HMGCLL1: variants seen among roughly 807,000 people sequenced by gnomAD.
HMGCLL1 encodes the protein 3-hydroxy-3-methylglutaryl-CoA lyase like 1, also known as 3-hydroxymethyl-3-methylglutaryl-CoA lyase, cytoplasmic.
In HMGCLL1, 36 loss-of-function variants were observed where a neutral mutation model predicts 39.1. That is an observed-to-expected ratio of 0.92 (90% confidence interval 0.71 to 1.22). The LOEUF (loss-of-function observed/expected upper bound fraction) is 1.22. Ranked by LOEUF, HMGCLL1 falls within the 50% of genes most tolerant of loss-of-function variation. The pLI, the probability that HMGCLL1 is intolerant of heterozygous loss-of-function variation, is 0.00. For missense variants in HMGCLL1, 451 were observed against 416.5 expected (o/e 1.08, Z -0.72); for synonymous variants, 149 against 144.0 (o/e 1.03, Z -0.25).
At chr6:55,497,430 C>T (rs192982793) in intron 6 of HMGCLL1, among the ~76,000 whole-genome samples, 1 of 152,062 alleles carries the variant, frequency 6.6e-6, no homozygotes, top group East Asian at 1.9e-4. Flanking sequence ...GATACTGATT[C>T]GCTCATTCAT....
chr6:55,604,032 A>G, the HMGCLL1 span, among the ~76,000 whole-genome samples: 5 of 152,194 alleles, frequency 3.3e-5, no homozygotes, highest in African/African-American at 1.2e-4. Flanking sequence ...GTGTCTGGAG[A>G]GTCTGGTGGG....
the HMGCLL1 span, among the ~76,000 whole-genome samples, chr6:55,669,213 A>G: frequency 5.9e-5 from 9 of 151,880 alleles, no homozygotes; most frequent in South Asian, 1.7e-3. Flanking sequence ...AGTTTCGCCA[A>G]CTGAATAAAT....
chr6:55,636,051 T>A, the HMGCLL1 span, among the ~76,000 whole-genome samples: 1 of 152,030 alleles, frequency 6.6e-6, no homozygotes, highest in Non-Finnish European at 1.5e-5. Context: ...ACTGAAAATA[T>A]CAGTCTCATG....
At chr6:55,452,417 GA>G (rs5876451) in intron 7 of HMGCLL1, among the ~76,000 whole-genome samples, 4,496 of 152,242 alleles carry the variant, frequency 0.03, 206 homozygotes, top group African/African-American at 0.099. Context: ...GGAGAGCAGA[GA>G]AATTCAATCT....
the HMGCLL1 span, among the ~76,000 whole-genome samples, chr6:55,643,911 GTA>G: frequency 1.3e-5 from 2 of 151,990 alleles, no homozygotes; most frequent in Non-Finnish European, 2.9e-5. Flanking sequence ...TTTCATTTGA[GTA>G]TATACCCAGC....
chr6:55,440,656 T>C (rs1275914550), intron 7 of HMGCLL1, among the ~76,000 whole-genome samples: 5 of 152,078 alleles, frequency 3.3e-5, no homozygotes, highest in African/African-American at 1.2e-4. Flanking sequence ...AAAAGTAACA[T>C]GATCACATTT....
chr6:55,498,982 T>C (rs1332226820), intron 6 of HMGCLL1, among the ~76,000 whole-genome samples: 2 of 152,100 alleles, frequency 1.3e-5, no homozygotes, highest in Non-Finnish European at 2.9e-5. Context: ...AAATGTATAT[T>C]TTTATTCCTT....
intron 3 of HMGCLL1, among the ~76,000 whole-genome samples, chr6:55,518,975 G>C (rs1767891567): frequency 6.6e-6 from 1 of 152,070 alleles, no homozygotes. Context: ...AAACCAATAG[G>C]GTTGGAAAAG....
chr6:55,650,100 T>TATATACACACATATAC, the HMGCLL1 span, among the ~76,000 whole-genome samples: 1 of 33,180 alleles, frequency 3.0e-5, no homozygotes, highest in African/African-American at 1.9e-4. Flanking sequence ...CATATATATA[T>TATATACACACATATAC]ATATATATAT....
chr6:55,570,152 C>G (rs1771401865), intron 1 of HMGCLL1, among the ~76,000 whole-genome samples: 1 of 152,130 alleles, frequency 6.6e-6, no homozygotes, highest in Non-Finnish European at 1.5e-5. Context: ...TATATTATTC[C>G]CAAGAATCAT....
In HMGCLL1 at chr6:55,514,179, A is replaced by G; in HGVS notation, c.411T>C (p.Thr137=). ...ATGCAGCTCCAAAAACTGATATCTC[A>G]GTAGCTCCAGCAGCAACCTGAAAAA... ...GFHHAVAAGA[T]EISVFGAASE... is the part of the protein sequence containing the mutation. Residue 137 remains threonine, a synonymous_variant, in exon 5 of 9, where the codon ACT becomes ACC. Coordinates refer to ENST00000274901, the MANE Select transcript of HMGCLL1 (RefSeq NM_001042406.2). 1 of 1,608,124 alleles carries G rather than the reference A, an allele frequency of 6.2e-7. No homozygotes were observed. Among genetic ancestry groups the G allele is most frequent in the Non-Finnish European group, 8.5e-7 (1 of 1,178,188 alleles).
the HMGCLL1 span, among the ~76,000 whole-genome samples, chr6:55,585,785 C>A: frequency 5.3e-5 from 8 of 152,054 alleles, no homozygotes; most frequent in African/African-American, 1.7e-4. Context: ...ACTACAGATA[C>A]TTTTAAAATT....
chr6:55,553,660 T>C (rs906790581), intron 1 of HMGCLL1, among the ~76,000 whole-genome samples: 1 of 152,190 alleles, frequency 6.6e-6, no homozygotes, highest in Admixed American at 6.5e-5. Context: ...AGCACATTGA[T>C]GAGTTAATAC....
At chr6:55,519,711 A>G (rs1176154096) in intron 3 of HMGCLL1, among the ~76,000 whole-genome samples, 2 of 152,154 alleles carry the variant, frequency 1.3e-5, no homozygotes, top group Non-Finnish European at 2.9e-5. Context: ...CTAAGTAAAC[A>G]TAGTATGTAT....
the HMGCLL1 span, among the ~76,000 whole-genome samples, chr6:55,636,848 T>G: frequency 6.6e-6 from 1 of 152,116 alleles, no homozygotes; most frequent in East Asian, 1.9e-4. Flanking sequence ...AAGAGAGAGT[T>G]CCTGGTATCA....
At position 55,524,034 on chromosome 6, in the gene HMGCLL1, T is replaced by G. The variant is rs762491306; in HGVS notation, c.298-7431A>C. Among the ~76,000 whole-genome samples, 5 of 151,980 alleles carry G rather than the reference T, an allele frequency of 3.3e-5. No homozygotes were observed. The East Asian group carries it at 9.6e-4, about 29-fold the overall frequency. The stretch of plus-strand genomic sequence containing the variant: ...GAAGTGTGCAAAACTGTAGTAGTTC[T>G]TCTAAAATAAAGACTATATCTGCGT... On this transcript the variant is annotated intron_variant, in intron 3 of 8. Coordinates refer to ENST00000274901, the MANE Select transcript of HMGCLL1 (RefSeq NM_001042406.2).
intron 7 of HMGCLL1, among the ~76,000 whole-genome samples, chr6:55,455,797 G>C (rs764239011): frequency 6.6e-6 from 1 of 152,114 alleles, no homozygotes; most frequent in Non-Finnish European, 1.5e-5. Flanking sequence ...CAATCTAAAG[G>C]TTGCAGAAGG....
intron 7 of HMGCLL1, among the ~76,000 whole-genome samples, chr6:55,475,310 C>T (rs532410367): frequency 6.6e-6 from 1 of 151,680 alleles, no homozygotes; most frequent in South Asian, 2.1e-4. Flanking sequence ...ACTTTTAGAT[C>T]CTGATAGAAG....
intron 1 of HMGCLL1, among the ~76,000 whole-genome samples, chr6:55,567,106 A>G (rs958872543): frequency 2.0e-5 from 3 of 152,154 alleles, no homozygotes; most frequent in Non-Finnish European, 4.4e-5. Context: ...TTTAATAAAG[A>G]GATATTTCAT....
Sources: gnomAD v4.1 joint callset for allele counts (sites outside exome capture counted in the v4.1 genomes callset) on GRCh38, gnomAD v4.1.1 for gene constraint, MANE v1.5 for transcripts, NCBI Gene and HGNC (gene_info 2026-07-23, HGNC 2026-07-21) for gene names.